Variants in CCDC93 observed in about 807,000 individuals in gnomAD.
CCDC93 encodes the protein CCC complex scaffolding subunit CCDC93, also known as coiled-coil domain-containing protein 93.
A neutral mutation model predicts 108.2 loss-of-function variants in CCDC93; 61 were observed. The ratio of observed to expected loss-of-function variants is 0.56; its 90% CI spans 0.46 to 0.70. The LOEUF (loss-of-function observed/expected upper bound fraction) is 0.70. Ranked by LOEUF, CCDC93 falls within the 30% of genes least tolerant of loss-of-function variation. The pLI is 0.00. For missense variants in CCDC93, 685 were observed against 764.2 expected (o/e 0.90, Z 1.22); for synonymous variants, 276 against 260.4 (o/e 1.06, Z -0.58).
intron 23 of CCDC93, among the ~76,000 whole-genome samples, chr2:117,922,624 G>A (rs538915310): frequency 6.6e-6 from 1 of 152,076 alleles, no homozygotes; most frequent in African/African-American, 2.4e-5. Context: ...AAAACCATAT[G>A]GTAGACAACA....
chr2:117,952,526 A>G, intron 12 of CCDC93, 91 bp from the exon 13 acceptor site: 2 of 991,854 alleles, frequency 2.0e-6, no homozygotes, highest in Admixed American at 1.8e-5. Flanking sequence ...GAAAGCTCAG[A>G]AAGATTTAAA....
At chr2:117,927,515 G>C (rs1046685604) in intron 23 of CCDC93, among the ~76,000 whole-genome samples, 1 of 152,074 alleles carries the variant, frequency 6.6e-6, no homozygotes, top group African/African-American at 2.4e-5. Flanking sequence ...ACTCACAACT[G>C]CTTCAAAGAG....
chr2:118,012,201 G>C (rs1447128196), intron 1 of CCDC93, among the ~76,000 whole-genome samples: 1 of 151,900 alleles, frequency 6.6e-6, no homozygotes, highest in Non-Finnish European at 1.5e-5. Flanking sequence ...TTGAACCTGG[G>C]AGGCAGAGGT....
At chr2:117,985,395 GAA>G (rs1680286290) in intron 7 of CCDC93, 6 of 906,136 alleles carry the variant, frequency 6.6e-6, no homozygotes, top group African/African-American at 3.6e-5. Flanking sequence ...TCACATCAAG[GAA>G]TCAGTTACCC....
intron 15 of CCDC93, 168 bp downstream of exon 15, chr2:117,947,937 G>A (rs778232893): frequency 4.7e-5 from 28 of 595,708 alleles, no homozygotes; most frequent in East Asian, 1.2e-4. Context: ...CTCGTGATCC[G>A]CCTGCCTTGG....
At chr2:117,942,827 TGTG>T (rs1213953705) in intron 18 of CCDC93, among the ~76,000 whole-genome samples, 1 of 152,208 alleles carries the variant, frequency 6.6e-6, no homozygotes, top group African/African-American at 2.4e-5. Context: ...GACATTTCAA[TGTG>T]GTTGAGTATC....
intron 4 of CCDC93, chr2:117,999,071 A>T (rs1361240704): frequency 6.6e-6 from 1 of 152,242 alleles, no homozygotes; most frequent in Non-Finnish European, 1.5e-5. Flanking sequence ...AGTGCTTTAG[A>T]CATACAACTA....
intron 6 of CCDC93, among the ~76,000 whole-genome samples, chr2:117,987,595 T>A (rs1436271117): frequency 6.6e-6 from 1 of 152,226 alleles, no homozygotes; most frequent in Non-Finnish European, 1.5e-5. Flanking sequence ...GCAGTTCCCC[T>A]CAATGGGCCT....
At chr2:117,988,522 T>C (rs1342213859) in intron 6 of CCDC93, among the ~76,000 whole-genome samples, 1 of 152,208 alleles carries the variant, frequency 6.6e-6, no homozygotes, top group Non-Finnish European at 1.5e-5. Flanking sequence ...AGCGATACTT[T>C]CCATTGACCT....
chr2:117,982,797 TAAAGGG>T (rs368846810), intron 7 of CCDC93, among the ~76,000 whole-genome samples: 1 of 151,288 alleles, frequency 6.6e-6, no homozygotes, highest in Non-Finnish European at 1.5e-5. Flanking sequence ...GCCGCAATGT[TAAAGGG>T]AAAGGGAAGA....
At chr2:117,996,106 G>A (rs1680637631) in intron 5 of CCDC93, among the ~76,000 whole-genome samples, 158 bp downstream of exon 5, 1 of 152,142 alleles carries the variant, frequency 6.6e-6, no homozygotes, top group Non-Finnish European at 1.5e-5. Flanking sequence ...CAAAATTATA[G>A]AGCTTTGCAC....
chr2:117,955,297 G>T (rs1413843698), intron 12 of CCDC93, among the ~76,000 whole-genome samples: 1 of 151,786 alleles, frequency 6.6e-6, no homozygotes, highest in Admixed American at 6.6e-5. Flanking sequence ...GAGGGCATAC[G>T]TGTCTGTAAA....
At chr2:117,978,863 C>T (rs1459432980) in intron 7 of CCDC93, among the ~76,000 whole-genome samples, 1 of 152,058 alleles carries the variant, frequency 6.6e-6, no homozygotes, top group Non-Finnish European at 1.5e-5. Context: ...CAAAAAGCAG[C>T]TGGGCATAGT....
intron 6 of CCDC93, among the ~76,000 whole-genome samples, chr2:117,990,702 C>T (rs1680451948): frequency 6.6e-6 from 1 of 151,236 alleles, no homozygotes; most frequent in Admixed American, 6.6e-5. Flanking sequence ...TCTACAGCCA[C>T]TAAAAATGCT....
intron 23 of CCDC93, among the ~76,000 whole-genome samples, chr2:117,928,426 A>C (rs1169186560): frequency 6.6e-6 from 1 of 152,222 alleles, no homozygotes; most frequent in Non-Finnish European, 1.5e-5. Context: ...GAAAAAAAAC[A>C]ACCCCATCAA....
chr2:117,916,516 T>C lies in CCDC93; in HGVS notation c.*3827A>G, dbSNP rs17047519. The C allele has an allele frequency of 6.6e-6, 1 of 152,238 alleles. No homozygotes were observed. Among genetic ancestry groups the C allele is most frequent in the South Asian group, 2.1e-4 (1 of 4,826 alleles). The allele number at this position is 152,238 out of a possible 1,614,324, so 9.4% of individuals were successfully genotyped here. On this transcript the variant is annotated 3_prime_UTR_variant, in exon 24 of 24. Coordinates refer to ENST00000376300, the MANE Select transcript of CCDC93 (RefSeq NM_019044.5). ...AAAGGTTCAATCTAAATTTTCCTAA[T>C]AGAGATGCAAAGTTGCAATGTGGAA...
chr2:117,931,435 T>G (rs982719227), intron 22 of CCDC93: 2 of 314,606 alleles, frequency 6.4e-6, no homozygotes, highest in Non-Finnish European at 1.2e-5. Flanking sequence ...GGAGCTATTT[T>G]GCCCCCCATC....
At chr2:118,003,632 C>T (rs1171482084) in intron 3 of CCDC93, among the ~76,000 whole-genome samples, 1 of 152,154 alleles carries the variant, frequency 6.6e-6, no homozygotes, top group East Asian at 1.9e-4. Flanking sequence ...CAGCCTAACC[C>T]CCTGCCTTCA....
chr2:117,983,503 G>C (rs1196021109), intron 7 of CCDC93, among the ~76,000 whole-genome samples: 1 of 152,088 alleles, frequency 6.6e-6, no homozygotes, highest in East Asian at 1.9e-4. Flanking sequence ...AAGGGGAAAA[G>C]GTCATATCTG....
Sources: allele counts gnomAD v4.1 joint callset (sites outside exome capture counted in the v4.1 genomes callset), GRCh38; gene constraint gnomAD v4.1.1; transcripts MANE v1.5; gene names NCBI Gene and HGNC (gene_info 2026-07-23, HGNC 2026-07-21).